The following TRPC7 variants were observed in gnomAD, a reference collection of about 807,000 sequenced individuals.
TRPC7 encodes short transient receptor potential channel 7.
TRPC7 carries 42 observed loss-of-function variants against 90.1 expected under a neutral mutation model. The observed-to-expected ratio is 0.47, with a 90% CI of 0.36 to 0.60. The LOEUF is 0.60. Among genes scored for constraint, TRPC7 ranks in the 20% least tolerant of loss-of-function variants. The probability of loss-of-function intolerance (pLI) is 0.00; values close to 1 mark genes in which losing one functional copy is unlikely to be tolerated. For synonymous variants in TRPC7, 451 were observed against 436.3 expected (o/e 1.03, Z -0.42); for missense variants, 955 against 1,112.3 (o/e 0.86, Z 2.01).
At chr5:136,309,676 C>A (rs1192140615) in intron 3 of TRPC7, among the ~76,000 whole-genome samples, 1 of 152,196 alleles carries the variant, frequency 6.6e-6, no homozygotes, top group Non-Finnish European at 1.5e-5. Context: ...GCCGAGTGAC[C>A]CTCTGGCATG....
At chr5:136,345,648 C>T (rs974883417) in intron 2 of TRPC7, among the ~76,000 whole-genome samples, 1 of 152,108 alleles carries the variant, frequency 6.6e-6, no homozygotes, top group African/African-American at 2.4e-5. Flanking sequence ...ATTCTGTAGG[C>T]TGCCTGTTCA....
chr5:136,236,279 A>G (rs1260628982), intron 7 of TRPC7, among the ~76,000 whole-genome samples: 3 of 152,198 alleles, frequency 2.0e-5, no homozygotes, highest in East Asian at 3.9e-4. Flanking sequence ...CCTTCCCAGC[A>G]TACGTACAGC....
At chr5:136,214,164 C>T (rs1441216594) in intron 11 of TRPC7, 1 of 152,644 alleles carries the variant, frequency 6.6e-6, no homozygotes, top group African/African-American at 2.4e-5. Context: ...CCCACACAAG[C>T]AGCAGCACCA....
intron 2 of TRPC7, among the ~76,000 whole-genome samples, chr5:136,323,652 TGA>T (rs1398772231): frequency 6.6e-6 from 1 of 152,222 alleles, no homozygotes; most frequent in African/African-American, 2.4e-5. Flanking sequence ...CACATTTGTA[TGA>T]GTCTATTTCT....
chr5:136,294,908 G>A (rs1337835528), intron 3 of TRPC7, among the ~76,000 whole-genome samples: 5 of 152,204 alleles, frequency 3.3e-5, no homozygotes, highest in African/African-American at 1.2e-4. Flanking sequence ...AGCAATGATA[G>A]ACTGGATTAA....
chr5:136,336,045 T>C (rs1365947663), intron 2 of TRPC7, among the ~76,000 whole-genome samples: 1 of 151,844 alleles, frequency 6.6e-6, no homozygotes, highest in Admixed American at 6.6e-5. Flanking sequence ...CTGAGGACAC[T>C]GAGCCCGGTC....
chr5:136,225,350 G>A lies in TRPC7; in HGVS notation c.2267C>T (p.Thr756Ile), dbSNP rs373255782. 53 of 1,612,210 alleles carry A rather than the reference G, an allele frequency of 3.3e-5. No individual in the cohort carries two copies. The highest frequency in any genetic ancestry group is 4.3e-5 in the Non-Finnish European group (51 of 1,179,394). Residue 756 changes from threonine (T) to isoleucine (I), a missense_variant, in exon 10 of 12, where the codon ACT becomes ATT. Physicochemically the swap from Thr to Ile is moderately conservative, Grantham distance 89. Around this residue, in one of 4 missense-constraint regions of TRPC7, gnomAD observed 296 missense variants for 422.7 expected, o/e 0.70. Coordinates refer to ENST00000513104, the MANE Select transcript of TRPC7 (RefSeq NM_020389.3). The stretch of plus-strand genomic sequence containing the variant: ...ATTCCTCATGCCAGCCTGGTAGCGA[G>A]TCTTCTGGATAAAACAAACAAACCC... ...MGMLNSKFKK[T>I]RYQAGMRNSE...
intron 4 of TRPC7, among the ~76,000 whole-genome samples, chr5:136,267,692 CATT>C (rs919529721): frequency 2.6e-5 from 4 of 152,158 alleles, no homozygotes; most frequent in Admixed American, 1.3e-4. Context: ...ATTAGCATAA[CATT>C]ATTATGATTC....
intron 3 of TRPC7, among the ~76,000 whole-genome samples, chr5:136,275,369 T>C (rs1159747855): frequency 1.5e-5 from 2 of 137,166 alleles, no homozygotes; most frequent in Admixed American, 1.4e-4. Context: ...TCTTGGAGGA[T>C]TAAATGACAT....
chr5:136,243,936 G>A (rs1756249588), intron 7 of TRPC7, among the ~76,000 whole-genome samples: 2 of 151,806 alleles, frequency 1.3e-5, no homozygotes, highest in South Asian at 2.1e-4. Flanking sequence ...AGAAGGTCTG[G>A]GGTCCTCTTG....
intron 5 of TRPC7, among the ~76,000 whole-genome samples, chr5:136,257,691 C>T (rs938823804): frequency 3.3e-5 from 5 of 151,962 alleles, no homozygotes; most frequent in Admixed American, 6.6e-5. Flanking sequence ...TCAAGTATAC[C>T]GTATCAAAAT....
chr5:136,325,828 G>A (rs551348293), intron 2 of TRPC7, among the ~76,000 whole-genome samples: 7 of 152,208 alleles, frequency 4.6e-5, no homozygotes, highest in African/African-American at 1.2e-4. Context: ...TCTGGGGGCC[G>A]AACACCTAAA....
chr5:136,220,402 TG>T (rs961855835), intron 10 of TRPC7, among the ~76,000 whole-genome samples: 1 of 152,146 alleles, frequency 6.6e-6, no homozygotes, highest in African/African-American at 2.4e-5. Context: ...AATGCATTCC[TG>T]GGGGGCAGTC....
intron 2 of TRPC7, among the ~76,000 whole-genome samples, chr5:136,344,713 C>G (rs1759950862): frequency 6.6e-6 from 1 of 152,142 alleles, no homozygotes; most frequent in Non-Finnish European, 1.5e-5. Flanking sequence ...CTTCCTGAGT[C>G]TAAAACACAA....
intron 5 of TRPC7, 122 bp from the exon 6 acceptor site, chr5:136,252,004 G>A (rs995053239): frequency 2.7e-6 from 2 of 744,838 alleles, no homozygotes; most frequent in Non-Finnish European, 4.5e-6. Flanking sequence ...TGGGACCGTC[G>A]ATAGCCAGAG....
intron 2 of TRPC7, among the ~76,000 whole-genome samples, chr5:136,340,076 C>A (rs1449159652): frequency 6.6e-6 from 1 of 152,004 alleles, no homozygotes. Flanking sequence ...AACTAAAAAG[C>A]CATCAATGAA....
At chr5:136,229,772 A>G (rs1012037557) in intron 8 of TRPC7, among the ~76,000 whole-genome samples, 1 of 152,174 alleles carries the variant, frequency 6.6e-6, no homozygotes, top group Non-Finnish European at 1.5e-5. Flanking sequence ...TACTTTTTCT[A>G]TATAAGAAGT....
At position 136,251,778 on chromosome 5, in the gene TRPC7, C is replaced by T. The variant is rs992776134; in HGVS notation, c.1450G>A (p.Ala484Thr). 2 of 1,613,814 alleles carry T rather than the reference C, an allele frequency of 1.2e-6. No homozygotes were observed. The highest frequency in any genetic ancestry group is 2.7e-5 in the African/African-American group (2 of 74,904). The change falls in exon 6 of 12, where the codon GCC (alanine) becomes ACC (threonine). Residue 484 changes from alanine (A) to threonine (T), a missense_variant. Physicochemically the swap from Ala to Thr is moderately conservative, Grantham distance 58. Transcript: ENST00000513104. ...GCCATGAAGCGTGCTGTGAAGGAGG[C>T]CACGAAGATGGACAGCATCCCGAAA... ...LDFGMLSIFV[A>T]SFTARFMAFL...
At position 136,296,970 on chromosome 5, in the gene TRPC7, T is replaced by G. The variant is rs951592278; in HGVS notation, c.963+18627A>C. Among the ~76,000 whole-genome samples, 5 of 152,176 alleles carry G rather than the reference T, an allele frequency of 3.3e-5. No homozygotes were observed. In the East Asian group the frequency reaches 9.6e-4, roughly 29 times the overall value. ...TGTTCTCCTACCTCAAATTGCCTCC[T>G]CTTCCCAAGCTCCTTTCTTCCCATA... On this transcript the variant is annotated intron_variant, in intron 3 of 11. Coordinates refer to ENST00000513104, the MANE Select transcript of TRPC7 (RefSeq NM_020389.3).
Sources: allele counts gnomAD v4.1 joint callset (sites outside exome capture counted in the v4.1 genomes callset), GRCh38; gene constraint gnomAD v4.1.1; regional missense constraint gnomAD v4.1.1; transcripts MANE v1.5; gene names NCBI Gene and HGNC (gene_info 2026-07-23, HGNC 2026-07-21).